Variants in ARID1B observed in about 807,000 individuals in gnomAD.
ARID1B encodes AT-rich interaction domain 1B, also known as AT-rich interactive domain-containing protein 1B.
ARID1B carries 30 observed loss-of-function variants against 212.3 expected under a neutral mutation model. The observed-to-expected ratio is 0.14, with a 90% CI of 0.11 to 0.19. ARID1B has a LOEUF of 0.19. Ranked by LOEUF, ARID1B falls within the 10% of genes least tolerant of loss-of-function variation. ARID1B has a pLI of 1.00. For synonymous variants in ARID1B, 1,402 were observed against 1,301.7 expected (o/e 1.08, Z -1.66); for missense variants, 2,891 against 3,204.0 (o/e 0.90, Z 2.36).
At chr6:156,818,098 ATTTTTTTT>A (rs71027317) in intron 1 of ARID1B, among the ~76,000 whole-genome samples, 51 of 61,322 alleles carry the variant, frequency 8.3e-4, no homozygotes, top group Non-Finnish European at 1.2e-3. Context: ...TAGTTGCCCT[ATTTTTTTT>A]TTTTTTTTTT....
At chr6:156,861,439 T>C (rs907433860) in intron 2 of ARID1B, among the ~76,000 whole-genome samples, 2 of 151,902 alleles carry the variant, frequency 1.3e-5, no homozygotes, top group Admixed American at 1.3e-4. Context: ...CAAAACCCTG[T>C]CTCTACAAAA....
chr6:156,813,251 A>G (rs1484280490), intron 1 of ARID1B, among the ~76,000 whole-genome samples: 1 of 150,054 alleles, frequency 6.7e-6, no homozygotes, highest in East Asian at 2.0e-4. Context: ...CTGTAGGCGC[A>G]TGCTGCCACG....
chr6:156,992,126 A>G (rs530392679), intron 4 of ARID1B, among the ~76,000 whole-genome samples: 2 of 152,318 alleles, frequency 1.3e-5, no homozygotes, highest in Admixed American at 6.5e-5. Flanking sequence ...TATGTCATGT[A>G]TAATAACTGT....
chr6:156,894,298 A>ATGGGGGCCGGGGGGGGGGGGG (rs1788208456), intron 2 of ARID1B, among the ~76,000 whole-genome samples: 9 of 18,586 alleles, frequency 4.8e-4, no homozygotes, highest in African/African-American at 6.5e-4. Flanking sequence ...GGGGGTTGGG[A>ATGGGGGCCGGGGGGGGGGGGG]TGGGGGCCGG....
At chr6:156,837,557 T>C (rs1174485167) in intron 2 of ARID1B, among the ~76,000 whole-genome samples, 1 of 152,232 alleles carries the variant, frequency 6.6e-6, no homozygotes. Context: ...AGCCAGCCAA[T>C]AGTTAAATTC....
At chr6:156,945,054 C>T (rs1432828625) in intron 4 of ARID1B, among the ~76,000 whole-genome samples, 2 of 150,000 alleles carry the variant, frequency 1.3e-5, no homozygotes, top group Admixed American at 6.6e-5. Context: ...TCCCGAGTAG[C>T]TGGGACTACA....
intron 3 of ARID1B, among the ~76,000 whole-genome samples, chr6:156,913,234 T>TG (rs1582935147): frequency 1.4e-5 from 2 of 141,418 alleles, no homozygotes; most frequent in African/African-American, 5.3e-5. Flanking sequence ...TTTTTTTTTT[T>TG]GAGACAGAGT....
intron 3 of ARID1B, among the ~76,000 whole-genome samples, chr6:156,932,993 C>G (rs919889489): frequency 6.6e-6 from 1 of 152,050 alleles, no homozygotes. Flanking sequence ...CTTTTAAAGC[C>G]TTAAAGAGTG....
At chr6:156,891,669 A>C (rs911054689) in intron 2 of ARID1B, among the ~76,000 whole-genome samples, 48 of 152,272 alleles carry the variant, frequency 3.2e-4, no homozygotes, top group African/African-American at 1.1e-3. Context: ...ATATAGTGTA[A>C]AATGAGGATT....
intron 6 of ARID1B, among the ~76,000 whole-genome samples, chr6:157,122,588 C>T (rs1025125467): frequency 2.0e-5 from 3 of 152,216 alleles, no homozygotes; most frequent in African/African-American, 7.2e-5. Context: ...CGGGCTCATA[C>T]CCTCACACAA....
At chr6:156,896,045 C>T (rs751606611) in intron 2 of ARID1B, among the ~76,000 whole-genome samples, 10 of 152,134 alleles carry the variant, frequency 6.6e-5, no homozygotes, top group South Asian at 4.1e-4. Context: ...TGATATGTGG[C>T]GTCTTACTCC....
chr6:156,961,789 AT>A (rs989458542), intron 4 of ARID1B, among the ~76,000 whole-genome samples: 1 of 152,116 alleles, frequency 6.6e-6, no homozygotes, highest in Non-Finnish European at 1.5e-5. Context: ...CTTGTTTATG[AT>A]TAGTGTTTTG....
intron 4 of ARID1B, among the ~76,000 whole-genome samples, chr6:157,060,301 T>G (rs957190614): frequency 6.6e-6 from 1 of 152,216 alleles, no homozygotes; most frequent in Admixed American, 6.5e-5. Flanking sequence ...ATTTTTACAT[T>G]GTAATAGGGT....
At chr6:157,043,785 A>G (rs2128534800) in intron 4 of ARID1B, among the ~76,000 whole-genome samples, 1 of 152,326 alleles carries the variant, frequency 6.6e-6, no homozygotes, top group African/African-American at 2.4e-5. Flanking sequence ...TAAGGAAGAT[A>G]TATTCATTGT....
At chr6:156,880,756 A>G (rs1410458360) in intron 2 of ARID1B, among the ~76,000 whole-genome samples, 4 of 92,928 alleles carry the variant, frequency 4.3e-5, no homozygotes, top group Non-Finnish European at 9.6e-5. Flanking sequence ...AAAAAAAAAA[A>G]AAAAAAAAGA....
At position 157,096,957 on chromosome 6, in the gene ARID1B, A is replaced by C. The variant is rs116229028; in HGVS notation, c.2491+12052A>C. Reference sequence around the variant, plus strand: ...GCAGGTGCTGGTTTCCTTCAAATATACATTGTGAAGTGTTGATTTATCCCC... The same window carrying C: ...GCAGGTGCTGGTTTCCTTCAAATATCCATTGTGAAGTGTTGATTTATCCCC... On this transcript the variant is annotated intron_variant, in intron 5 of 19. Transcript: ENST00000636930. Among the ~76,000 whole-genome samples, 203 of 152,356 alleles carry C rather than the reference A, an allele frequency of 1.3e-3. 2 individuals are homozygous for C. Among genetic ancestry groups the C allele is most frequent in the African/African-American group, 4.6e-3 (192 of 41,582 alleles).
At chr6:157,117,297 AAT>A (rs759775044) in intron 6 of ARID1B, among the ~76,000 whole-genome samples, 3 of 152,200 alleles carry the variant, frequency 2.0e-5, no homozygotes, top group Non-Finnish European at 4.4e-5. Flanking sequence ...TTCATTATTC[AAT>A]ATGTCTTCAT....
chr6:157,055,333 A>G (rs913808196), intron 4 of ARID1B, among the ~76,000 whole-genome samples: 4 of 152,212 alleles, frequency 2.6e-5, no homozygotes, highest in Non-Finnish European at 5.9e-5. Context: ...TTCCAGTAAC[A>G]TAATCTTTTT....
At chr6:156,987,670 T>A (rs1378285114) in intron 4 of ARID1B, among the ~76,000 whole-genome samples, 3 of 152,246 alleles carry the variant, frequency 2.0e-5, no homozygotes, top group African/African-American at 7.2e-5. Flanking sequence ...TTTTTTCATT[T>A]GACATCACTT....
Sources: gnomAD v4.1 joint callset for allele counts (sites outside exome capture counted in the v4.1 genomes callset) on GRCh38, gnomAD v4.1.1 for gene constraint, MANE v1.5 for transcripts, NCBI Gene and HGNC (gene_info 2026-07-23, HGNC 2026-07-21) for gene names.